The following LRP1B variants were observed in gnomAD, a reference collection of about 807,000 sequenced individuals.
The protein encoded by LRP1B is LDL receptor related protein 1B.
A neutral mutation model predicts 556.6 loss-of-function variants in LRP1B; 217 were observed. The observed-to-expected ratio is 0.39, with a 90% CI of 0.35 to 0.44. LRP1B has a LOEUF of 0.44. Ranked by LOEUF, LRP1B falls within the 20% of genes least tolerant of loss-of-function variation. LRP1B has a pLI of 1.00. For missense variants in LRP1B, 5,053 were observed against 5,620.8 expected, an observed-to-expected ratio of 0.90 and a Z score of 3.23; for synonymous variants, 2,047 against 1,865.8, an observed-to-expected ratio of 1.10 and a Z score of -2.50.
At chr2:141,176,387 TGTTCTCATGATAGTGAGTAA>T (rs1359732496) in intron 7 of LRP1B, among the ~76,000 whole-genome samples, 2 of 152,058 alleles carry the variant, frequency 1.3e-5, no homozygotes, top group Admixed American at 1.3e-4. Flanking sequence ...TCCCCTTTTC[TGTTCTCATGATAGTGAGTAA>T]GTTCTCATGA....
chr2:141,596,174 G>A (rs1457657722), intron 2 of LRP1B, among the ~76,000 whole-genome samples: 13 of 151,052 alleles, frequency 8.6e-5, no homozygotes, highest in Admixed American at 6.6e-5. Flanking sequence ...CCTTACCCAG[G>A]GTATACATCT....
chr2:141,255,860 A>G (rs1684442214), intron 3 of LRP1B, among the ~76,000 whole-genome samples: 1 of 151,926 alleles, frequency 6.6e-6, no homozygotes, highest in African/African-American at 2.4e-5. Context: ...TCACCTAGTC[A>G]AGGATATCAC....
intron 3 of LRP1B, among the ~76,000 whole-genome samples, chr2:141,372,943 G>C (rs1292283071): frequency 6.6e-6 from 1 of 151,976 alleles, no homozygotes; most frequent in East Asian, 1.9e-4. Context: ...CCAGTTAATT[G>C]AGGTGCAACA....
intron 43 of LRP1B, among the ~76,000 whole-genome samples, chr2:140,572,777 A>G (rs1005299196): frequency 1.5e-4 from 21 of 143,546 alleles, no homozygotes; most frequent in African/African-American, 5.4e-4. Flanking sequence ...ACGTATACAC[A>G]ATGAGATACT....
chr2:141,262,998 A>T (rs1471866863), intron 3 of LRP1B, among the ~76,000 whole-genome samples: 1 of 151,952 alleles, frequency 6.6e-6, no homozygotes, highest in Non-Finnish European at 1.5e-5. Flanking sequence ...ACATCTTAAC[A>T]CTACTGAGCC....
At chr2:140,501,056 C>T (rs920522106) in intron 55 of LRP1B, among the ~76,000 whole-genome samples, 3 of 151,858 alleles carry the variant, frequency 2.0e-5, no homozygotes, top group African/African-American at 7.3e-5. Context: ...TAGTTTTGTC[C>T]GTCATTCCAA....
At chr2:140,687,935 G>T (rs547296481) in intron 41 of LRP1B, among the ~76,000 whole-genome samples, 11 of 152,116 alleles carry the variant, frequency 7.2e-5, no homozygotes, top group African/African-American at 2.6e-4. Context: ...GCCCCTCAAA[G>T]ATCTATTTAT....
At chr2:140,551,022 C>A (rs548070751) in intron 43 of LRP1B, among the ~76,000 whole-genome samples, 27 of 152,174 alleles carry the variant, frequency 1.8e-4, no homozygotes, top group Admixed American at 7.2e-4. Flanking sequence ...AGCAAGAAAG[C>A]AGCTGTCTGA....
intron 1 of LRP1B, among the ~76,000 whole-genome samples, chr2:142,121,446 AAC>A (rs1244711889): frequency 2.0e-5 from 3 of 152,176 alleles, no homozygotes; most frequent in South Asian, 4.2e-4. Flanking sequence ...TTCTCTCCCA[AAC>A]ACACACAGTT....
rs956535087 is a variant in LRP1B at position 140,392,129 on chromosome 2, A to G, written c.10415-6120T>C. 5.9e-5 allele frequency among the ~76,000 whole-genome samples: 9 copies of G among 152,322 alleles called. No homozygotes were observed. In the East Asian group the frequency reaches 1.7e-3, roughly 29 times the overall value. The stretch of plus-strand genomic sequence containing the variant: ...GACCCTAAAATCACTAAGACAAGGG[A>G]AAAGTCAAGCTGAGAATTACATCAG... On this transcript the variant is annotated intron_variant, in intron 66 of 90. Coordinates refer to ENST00000389484, the MANE Select transcript of LRP1B (RefSeq NM_018557.3).
At chr2:141,639,195 C>G (rs1399550862) in intron 2 of LRP1B, among the ~76,000 whole-genome samples, 1 of 139,880 alleles carries the variant, frequency 7.1e-6, no homozygotes, top group Non-Finnish European at 1.5e-5. Context: ...TGGAGGCCGA[C>G]ACCAGGCAAA....
chr2:140,416,615 A>G (rs1369839373), intron 66 of LRP1B, among the ~76,000 whole-genome samples: 1 of 151,918 alleles, frequency 6.6e-6, no homozygotes, highest in Non-Finnish European at 1.5e-5. Context: ...GTGATCATGC[A>G]CTGCACTCCA....
At chr2:140,849,529 A>AT (rs1290451729) in intron 29 of LRP1B, among the ~76,000 whole-genome samples, 4 of 151,362 alleles carry the variant, frequency 2.6e-5, no homozygotes, top group Admixed American at 6.6e-5. Flanking sequence ...AGACATGTAA[A>AT]TTTTTTTTTA....
intron 2 of LRP1B, among the ~76,000 whole-genome samples, chr2:141,767,101 GC>G (rs1042413488): frequency 1.3e-5 from 2 of 151,952 alleles, no homozygotes; most frequent in Non-Finnish European, 2.9e-5. Context: ...AAGCTTTCAG[GC>G]AAAAAGCCGT....
intron 49 of LRP1B, among the ~76,000 whole-genome samples, chr2:140,525,302 C>A (rs1306867127): frequency 6.6e-6 from 1 of 151,590 alleles, no homozygotes; most frequent in Non-Finnish European, 1.5e-5. Context: ...GGAAGGCATT[C>A]TTCTAAGAAT....
intron 3 of LRP1B, among the ~76,000 whole-genome samples, chr2:141,331,549 T>TTTCTTTCTTTCTTTCTTTCTTTCC (rs1687659119): frequency 6.6e-6 from 1 of 151,364 alleles, no homozygotes; most frequent in Non-Finnish European, 1.5e-5. Flanking sequence ...TCTTTCTTTC[T>TTTCTTTCTTTCTTTCTTTCTTTCC]TTCTTATTTG....
chr2:140,655,492 AT>A (rs1328138573), intron 41 of LRP1B, among the ~76,000 whole-genome samples: 3 of 152,178 alleles, frequency 2.0e-5, no homozygotes, highest in African/African-American at 7.2e-5. Context: ...TGTTTCAGTT[AT>A]TCATGAATTT....
intron 6 of LRP1B, among the ~76,000 whole-genome samples, chr2:141,213,469 A>G (rs1682654955): frequency 6.6e-6 from 1 of 152,138 alleles, no homozygotes; most frequent in Non-Finnish European, 1.5e-5. Flanking sequence ...ACACCCCCAC[A>G]GGCACACTGG....
intron 6 of LRP1B, among the ~76,000 whole-genome samples, chr2:141,216,531 C>T (rs532865168): frequency 2.0e-5 from 3 of 152,220 alleles, no homozygotes; most frequent in Admixed American, 2.0e-4. Flanking sequence ...GGGCCATTAT[C>T]CTTCATACCC....
Sources: gnomAD v4.1 joint callset for allele counts (sites outside exome capture counted in the v4.1 genomes callset) on GRCh38, gnomAD v4.1.1 for gene constraint, MANE v1.5 for transcripts, NCBI Gene and HGNC (gene_info 2026-07-23, HGNC 2026-07-21) for gene names.